HS2ST1: variants seen among roughly 807,000 people sequenced by gnomAD.
HS2ST1 encodes the protein 2-O-sulfotransferase.
In HS2ST1, 18 loss-of-function variants were observed where a neutral mutation model predicts 42.9. The ratio of observed to expected loss-of-function variants is 0.42; its 90% CI spans 0.29 to 0.62. The LOEUF (loss-of-function observed/expected upper bound fraction) is 0.62, where lower values mean the gene tolerates loss of function less well. HS2ST1 is among the 20% of genes least tolerant of loss of function. HS2ST1 has a pLI of 0.21. For missense variants in HS2ST1, 334 were observed against 433.8 expected (o/e 0.77, Z 2.04); for synonymous variants, 146 against 152.9 (o/e 0.95, Z 0.33).
intron 1 of HS2ST1, among the ~76,000 whole-genome samples, chr1:87,043,791 A>G (rs965957224): frequency 6.6e-6 from 1 of 152,136 alleles, no homozygotes; most frequent in Non-Finnish European, 1.5e-5. Context: ...CAATAAATAT[A>G]TACAGGAAGC....
chr1:86,931,231 T>C (rs895563265), intron 1 of HS2ST1, among the ~76,000 whole-genome samples: 2 of 152,096 alleles, frequency 1.3e-5, no homozygotes, highest in African/African-American at 4.8e-5. Context: ...TTCAGTTTAA[T>C]TCTACCTTGT....
intron 1 of HS2ST1, among the ~76,000 whole-genome samples, chr1:87,033,326 C>T (rs1038240288): frequency 1.3e-5 from 2 of 152,136 alleles, no homozygotes; most frequent in African/African-American, 2.4e-5. Context: ...AATGGATGAG[C>T]TCCAAGAACC....
intron 1 of HS2ST1, among the ~76,000 whole-genome samples, chr1:87,011,179 T>G (rs1311278288): frequency 6.6e-6 from 1 of 152,154 alleles, no homozygotes; most frequent in Non-Finnish European, 1.5e-5. Context: ...TCCTGTCAAA[T>G]CAAAAAGCCG....
At chr1:87,064,915 C>T (rs1029924760) in intron 1 of HS2ST1, among the ~76,000 whole-genome samples, 2 of 152,178 alleles carry the variant, frequency 1.3e-5, no homozygotes, top group African/African-American at 2.4e-5. Flanking sequence ...GATCTTCCTG[C>T]CTTGGCTTCC....
At chr1:87,101,474 C>T (rs1347334347) in intron 5 of HS2ST1, among the ~76,000 whole-genome samples, 1 of 151,970 alleles carries the variant, frequency 6.6e-6, no homozygotes, top group Admixed American at 6.6e-5. Context: ...CCAGTCATCA[C>T]TCTAAGTTCA....
chr1:87,022,134 A>AAAAACAG (rs1649969139), intron 1 of HS2ST1, among the ~76,000 whole-genome samples: 1 of 152,228 alleles, frequency 6.6e-6, no homozygotes, highest in Admixed American at 6.5e-5. Flanking sequence ...TTAATTTGAA[A>AAAAACAG]AAAACAGTCG....
chr1:86,936,977 TGC>T (rs1660668796), intron 1 of HS2ST1, among the ~76,000 whole-genome samples: 1 of 150,196 alleles, frequency 6.7e-6, no homozygotes, highest in South Asian at 2.1e-4. Context: ...TGGTGTTGCA[TGC>T]CTGTAGTCCC....
chr1:86,915,412 G>C (rs933707451), intron 1 of HS2ST1, among the ~76,000 whole-genome samples: 11 of 152,240 alleles, frequency 7.2e-5, no homozygotes, highest in Non-Finnish European at 1.5e-4. Context: ...CCAAAGGGTA[G>C]CCCCGAAGTA....
At chr1:86,985,043 C>T (rs1164790529) in intron 1 of HS2ST1, among the ~76,000 whole-genome samples, 2 of 151,660 alleles carry the variant, frequency 1.3e-5, no homozygotes, top group African/African-American at 4.8e-5. Context: ...CCCATAGTAC[C>T]CTAAACGTTT....
At chr1:87,036,159 A>G (rs1650369880) in intron 1 of HS2ST1, among the ~76,000 whole-genome samples, 1 of 152,270 alleles carries the variant, frequency 6.6e-6, no homozygotes, top group East Asian at 1.9e-4. Context: ...TTATGGCCAC[A>G]TCATGGTGTA....
chr1:86,914,773 G>C lies in HS2ST1; in HGVS notation c.-264G>C, dbSNP rs893087958. 7.3e-5 allele frequency: 37 copies of C among 508,000 alleles called. No homozygotes were observed. The highest frequency in any genetic ancestry group is 1.1e-4 in the Non-Finnish European group (32 of 285,346). 31.5% of individuals were successfully genotyped at this position (508,000 alleles called of 1,614,324 possible). ...AGAGGGAGGCGAGAGCCCGGCAGCC[G>C]CTTCGCGCTGTTTGCTGCGCGGGCT... On this transcript the variant is annotated 5_prime_UTR_variant, in exon 1 of 7. Transcript: ENST00000370550.
At chr1:86,999,537 A>G (rs1478666025) in intron 1 of HS2ST1, among the ~76,000 whole-genome samples, 2 of 152,012 alleles carry the variant, frequency 1.3e-5, no homozygotes, top group Non-Finnish European at 2.9e-5. Flanking sequence ...CTTTTTGTTT[A>G]TCTATTAATA....
chr1:86,915,373 G>T (rs978187024), intron 1 of HS2ST1, among the ~76,000 whole-genome samples: 2 of 152,208 alleles, frequency 1.3e-5, no homozygotes, highest in Non-Finnish European at 2.9e-5. Flanking sequence ...AGGTCACGGG[G>T]CAGAGGTTGC....
At chr1:86,964,345 A>G (rs1267943124) in intron 1 of HS2ST1, among the ~76,000 whole-genome samples, 1 of 152,252 alleles carries the variant, frequency 6.6e-6, no homozygotes, top group Non-Finnish European at 1.5e-5. Context: ...CAGCCTGGGC[A>G]ACATTGAGCA....
intron 1 of HS2ST1, among the ~76,000 whole-genome samples, chr1:87,019,029 T>C (rs903593562): frequency 1.3e-5 from 2 of 152,224 alleles, no homozygotes; most frequent in African/African-American, 4.8e-5. Flanking sequence ...TATATTTCAC[T>C]ATAATGTTAG....
chr1:86,936,615 A>G (rs946444851), intron 1 of HS2ST1, among the ~76,000 whole-genome samples: 35 of 152,304 alleles, frequency 2.3e-4, no homozygotes, highest in East Asian at 1.9e-4. Context: ...GTTGGGTTAA[A>G]TGATTTATTT....
chr1:86,999,241 C>T (rs546949366), intron 1 of HS2ST1, among the ~76,000 whole-genome samples: 17 of 151,990 alleles, frequency 1.1e-4, no homozygotes, highest in East Asian at 5.8e-4. Flanking sequence ...TGCAATGGTG[C>T]GATCTCGGCT....
intron 1 of HS2ST1, among the ~76,000 whole-genome samples, chr1:86,961,650 T>C (rs959925006): frequency 6.6e-6 from 1 of 152,154 alleles, no homozygotes; most frequent in African/African-American, 2.4e-5. Context: ...AAATGTACTT[T>C]TCTGTGTTAT....
chr1:86,997,253 C>T (rs928439572), intron 1 of HS2ST1, among the ~76,000 whole-genome samples: 1 of 152,146 alleles, frequency 6.6e-6, no homozygotes, highest in Non-Finnish European at 1.5e-5. Context: ...CACATAATAT[C>T]TGCATATAAG....
Sources: allele counts gnomAD v4.1 joint callset (sites outside exome capture counted in the v4.1 genomes callset), GRCh38; gene constraint gnomAD v4.1.1; transcripts MANE v1.5; gene names NCBI Gene and HGNC (gene_info 2026-07-23, HGNC 2026-07-21).